Variants in MCF2L2 observed in about 807,000 individuals in gnomAD.
MCF2L2 encodes MCF.2 cell line derived transforming sequence-like 2.
In MCF2L2, 102 loss-of-function variants were observed where a neutral mutation model predicts 150.2. The observed-to-expected ratio is 0.68, with a 90% CI of 0.58 to 0.80. The LOEUF is 0.80. Ranked by LOEUF, MCF2L2 falls within the 30% of genes least tolerant of loss-of-function variation. MCF2L2 has a pLI of 0.00. For synonymous variants in MCF2L2, 465 were observed against 491.3 expected (o/e 0.95, Z 0.71); for missense variants, 1,256 against 1,372.8 (o/e 0.91, Z 1.34).
At chr3:183,421,453 A>G (rs1323614182) in intron 1 of MCF2L2, among the ~76,000 whole-genome samples, 1 of 152,026 alleles carries the variant, frequency 6.6e-6, no homozygotes, top group Non-Finnish European at 1.5e-5. Context: ...GTAAATTTTT[A>G]ATTTCACTTA....
chr3:183,341,388 G>A (rs895783470), intron 4 of MCF2L2, 152 bp downstream of exon 4: 35 of 641,556 alleles, frequency 5.5e-5, no homozygotes, highest in South Asian at 1.3e-4. Context: ...GATGGCAGAG[G>A]AGATAGGGAT....
chr3:183,261,933 C>A (rs1250479282), intron 15 of MCF2L2, among the ~76,000 whole-genome samples: 1 of 141,506 alleles, frequency 7.1e-6, no homozygotes, highest in African/African-American at 2.6e-5. Flanking sequence ...TTCAGACAAC[C>A]GTTTTAGGAG....
chr3:183,383,504 G>C (rs1713654917), intron 2 of MCF2L2, among the ~76,000 whole-genome samples: 1 of 151,994 alleles, frequency 6.6e-6, no homozygotes, highest in South Asian at 2.1e-4. Flanking sequence ...CAAAGTGCTG[G>C]GATTGATTAC....
intron 22 of MCF2L2, among the ~76,000 whole-genome samples, chr3:183,214,218 G>A (rs1722833230): frequency 6.6e-6 from 1 of 152,130 alleles, no homozygotes. Context: ...GATTTAAAAA[G>A]GAACAGAAAG....
chr3:183,297,906 T>G (rs1320158107), intron 11 of MCF2L2: 1 of 152,228 alleles, frequency 6.6e-6, no homozygotes, highest in Non-Finnish European at 1.5e-5. Context: ...TACCTGCTAG[T>G]CCACTCTTCT....
chr3:183,256,841 A>G (rs1725084046), intron 15 of MCF2L2, among the ~76,000 whole-genome samples: 1 of 120,084 alleles, frequency 8.3e-6, no homozygotes, highest in Admixed American at 7.4e-5. Flanking sequence ...GGGAACAAGA[A>G]TAACGGAAGA....
intron 3 of MCF2L2, among the ~76,000 whole-genome samples, chr3:183,371,725 T>A (rs73062734): frequency 2.7e-5 from 4 of 150,876 alleles, no homozygotes; most frequent in African/African-American, 9.7e-5. Flanking sequence ...TGATTCACCC[T>A]CCTCAGCCTC....
intron 1 of MCF2L2, among the ~76,000 whole-genome samples, chr3:183,401,402 A>C (rs1285102406): frequency 6.6e-6 from 1 of 152,198 alleles, no homozygotes; most frequent in East Asian, 1.9e-4. Flanking sequence ...GCCAACAAGA[A>C]ACTGGAAGAC....
At chr3:183,347,452 C>T (rs1024665669) in intron 3 of MCF2L2, among the ~76,000 whole-genome samples, 1 of 152,052 alleles carries the variant, frequency 6.6e-6, no homozygotes, top group African/African-American at 2.4e-5. Flanking sequence ...CCATAAAAAC[C>T]CTAGAAGAAA....
At chr3:183,317,269 A>G (rs1729639973) in intron 7 of MCF2L2, among the ~76,000 whole-genome samples, 1 of 152,168 alleles carries the variant, frequency 6.6e-6, no homozygotes, top group Non-Finnish European at 1.5e-5. Flanking sequence ...CCCAAGTTCC[A>G]TGAGGCCAAG....
chr3:183,192,900 A>T, intron 27 of MCF2L2, 99 bp downstream of exon 27: 1 of 824,676 alleles, frequency 1.2e-6, no homozygotes, highest in Non-Finnish European at 2.0e-6. Flanking sequence ...CATTTAACTA[A>T]AGAAGGGCTG....
At chr3:183,386,972 T>C (rs1326699381) in intron 2 of MCF2L2, among the ~76,000 whole-genome samples, 8 of 152,178 alleles carry the variant, frequency 5.3e-5, no homozygotes, top group Non-Finnish European at 1.2e-4. Context: ...AAGGCAAATT[T>C]GGGCCAGACA....
Position 183,206,183 on chromosome 3 carries a change from C to A in MCF2L2, c.2744G>T (p.Arg915Met), listed in dbSNP as rs746462556. Reference sequence around the variant, plus strand: ...AATCTCAAACTTTCTATGGCTCCCCCTTCCAAGCTGGCGAATTGAAAGTGT... The same window carrying A: ...AATCTCAAACTTTCTATGGCTCCCCATTCCAAGCTGGCGAATTGAAAGTGT... ...LMTLSIRQLG[R>M]GSHRKFEIAS... is the part of the protein sequence containing the mutation. Residue 915 changes from arginine to methionine, a missense_variant, in exon 24 of 30, where the codon AGG (arginine) becomes ATG (methionine). By Grantham distance (91) the Arg-to-Met change is moderately conservative. Transcript: ENST00000328913. The A allele has an allele frequency of 3.7e-5, 59 of 1,614,040 alleles. No individual in the cohort carries two copies. Among genetic ancestry groups the A allele is most frequent in the Admixed American group, 5.0e-5 (3 of 60,004 alleles).
intron 15 of MCF2L2, chr3:183,272,062 T>G: frequency 1.5e-6 from 1 of 678,128 alleles, no homozygotes; most frequent in Non-Finnish European, 1.9e-6. Context: ...CTGTCAGAGG[T>G]GATCTTTATT....
intron 3 of MCF2L2, among the ~76,000 whole-genome samples, chr3:183,352,493 G>A (rs922400114): frequency 1.2e-4 from 18 of 152,122 alleles, no homozygotes; most frequent in Non-Finnish European, 7.4e-5. Flanking sequence ...ACTGCACTCC[G>A]GCCTGGGCGA....
At chr3:183,409,382 G>C (rs940912083) in intron 1 of MCF2L2, among the ~76,000 whole-genome samples, 1 of 152,030 alleles carries the variant, frequency 6.6e-6, no homozygotes, top group African/African-American at 2.4e-5. Flanking sequence ...TGATTCTGAC[G>C]TTTCCTCTTG....
Position 183,181,112 on chromosome 3 carries a change from G to A in MCF2L2, c.3017-953C>T, listed in dbSNP as rs189015857. ...AGGGAGGTTTGGGCAGGACTTGAGG[G>A]GCAGACAGGACTGGAGAGGGAGGGC... On this transcript the variant is annotated intron_variant, in intron 27 of 29. Coordinates refer to ENST00000328913, the MANE Select transcript of MCF2L2 (RefSeq NM_015078.4). The surrounding 1 kb of genome is among the most constrained non-coding windows in gnomAD (Gnocchi z 4.3). 5.9e-5 allele frequency among the ~76,000 whole-genome samples: 9 copies of A among 152,340 alleles called. No individual in the cohort carries two copies. Among genetic ancestry groups the A allele is most frequent in the Non-Finnish European group, 1.0e-4 (7 of 68,034 alleles).
chr3:183,226,733 T>C (rs1261554631), intron 18 of MCF2L2: 1 of 152,232 alleles, frequency 6.6e-6, no homozygotes, highest in Non-Finnish European at 1.5e-5. Context: ...TTTGCAGTAA[T>C]GACATACATA....
At chr3:183,195,716 C>T (rs994622608) in intron 25 of MCF2L2, among the ~76,000 whole-genome samples, 2 of 152,094 alleles carry the variant, frequency 1.3e-5, no homozygotes, top group African/African-American at 4.8e-5. Flanking sequence ...CCTCCAGAGG[C>T]CCCCCACTGC....
Sources: allele counts gnomAD v4.1 joint callset (sites outside exome capture counted in the v4.1 genomes callset), GRCh38; gene constraint gnomAD v4.1.1; non-coding constraint Gnocchi (gnomAD v3.1); transcripts MANE v1.5; gene names NCBI Gene and HGNC (gene_info 2026-07-23, HGNC 2026-07-21).